Variants in FRMD6 observed in about 807,000 individuals in gnomAD.
FRMD6 encodes the protein FERM domain containing 6, also known as FERM domain-containing protein 6.
In FRMD6, 37 loss-of-function variants were observed where a neutral mutation model predicts 73.2. The observed-to-expected ratio is 0.51, with a 90% CI of 0.39 to 0.66. The LOEUF (loss-of-function observed/expected upper bound fraction) is 0.66, where lower values mean the gene tolerates loss of function less well. Ranked by LOEUF, FRMD6 falls within the 30% of genes least tolerant of loss-of-function variation. The pLI, the probability that FRMD6 is intolerant of heterozygous loss-of-function variation, is 0.00. For missense variants in FRMD6, 714 were observed against 780.5 expected (o/e 0.91, Z 1.02); for synonymous variants, 273 against 282.2 (o/e 0.97, Z 0.33).
chr14:51,606,997 ACTTT>A (rs1890284250), intron 2 of FRMD6, among the ~76,000 whole-genome samples: 1 of 152,114 alleles, frequency 6.6e-6, no homozygotes, highest in Admixed American at 6.5e-5. Flanking sequence ...ACAGGTCTGC[ACTTT>A]CTTTTCTGTG....
intron 4 of FRMD6, among the ~76,000 whole-genome samples, chr14:51,702,013 A>G (rs1466573957): frequency 6.6e-6 from 1 of 151,966 alleles, no homozygotes; most frequent in African/African-American, 2.4e-5. Context: ...AGATCCTCTA[A>G]TTTGTATTTA....
intron 1 of FRMD6, among the ~76,000 whole-genome samples, chr14:51,502,268 T>C (rs532629787): frequency 6.6e-6 from 1 of 152,344 alleles, no homozygotes; most frequent in Admixed American, 6.5e-5. Flanking sequence ...CATGAAATCT[T>C]TGCCTGTGTC....
rs61022790 is a variant in FRMD6 at position 51,530,030 on chromosome 14, C to T, written c.-209-40318C>T. ...CCAGCTCCTACAAGCTCATGAGAGA[C>T]AGCTGTTAAATCTCAGGATGTTTTG... On this transcript the variant is annotated intron_variant, in intron 1 of 14. Transcript: ENST00000356218. 1.8e-3 allele frequency among the ~76,000 whole-genome samples: 279 copies of T among 152,336 alleles called. 1 individual carries two copies. The highest frequency in any genetic ancestry group is 6.5e-3 in the African/African-American group (271 of 41,566).
At chr14:51,519,805 G>T (rs978530701) in intron 1 of FRMD6, among the ~76,000 whole-genome samples, 1 of 152,168 alleles carries the variant, frequency 6.6e-6, no homozygotes, top group Non-Finnish European at 1.5e-5. Flanking sequence ...AAATTTGGGG[G>T]CCCTATCACC....
chr14:51,689,763 T>G lies in FRMD6; in HGVS notation c.-74T>G. ...GTGTGATGAGGAGGCGAGCTTGGCT[T>G]TGGAGTGCTGGGAACCTGAGGAATT... is the stretch of plus-strand genomic sequence containing the variant. On this transcript the variant is annotated 5_prime_UTR_variant, in exon 2 of 14. Coordinates refer to ENST00000344768, the MANE Select transcript of FRMD6 (RefSeq NM_001267046.2). The G allele has an allele frequency of 1.2e-6, 1 of 861,304 alleles. No individual in the cohort carries two copies. Among genetic ancestry groups the G allele is most frequent in the South Asian group, 1.3e-5 (1 of 75,532 alleles). 53.4% of individuals were successfully genotyped at this position (861,304 alleles called of 1,614,324 possible).
intron 2 of FRMD6, among the ~76,000 whole-genome samples, chr14:51,603,433 G>A (rs1890118273): frequency 6.6e-6 from 1 of 152,026 alleles, no homozygotes; most frequent in South Asian, 2.1e-4. Context: ...TGGATTGCAA[G>A]TGATTTTTTT....
chr14:51,568,499 T>C (rs577921248), intron 1 of FRMD6, among the ~76,000 whole-genome samples: 34 of 152,336 alleles, frequency 2.2e-4, no homozygotes, highest in African/African-American at 8.2e-4. Flanking sequence ...GACTAAGAAA[T>C]GGCGAACACT....
the FRMD6 span, among the ~76,000 whole-genome samples, chr14:51,411,037 CT>C: frequency 6.6e-6 from 1 of 152,264 alleles, no homozygotes; most frequent in East Asian, 1.9e-4. Context: ...TAGTTAACCC[CT>C]GTCTTTGTAG....
At chr14:51,583,935 G>A (rs1888878994) in intron 2 of FRMD6, among the ~76,000 whole-genome samples, 1 of 152,160 alleles carries the variant, frequency 6.6e-6, no homozygotes, top group Admixed American at 6.5e-5. Flanking sequence ...AGGAGGAATA[G>A]CCATCTTATA....
chr14:51,426,830 G>A, the FRMD6 span, among the ~76,000 whole-genome samples: 4 of 152,104 alleles, frequency 2.6e-5, no homozygotes, highest in African/African-American at 7.2e-5. Flanking sequence ...ACCCTGGCTC[G>A]CAGGCTGTTG....
chr14:51,687,429 A>C (rs1043155145), intron 1 of FRMD6, among the ~76,000 whole-genome samples: 2 of 152,192 alleles, frequency 1.3e-5, no homozygotes, highest in African/African-American at 4.8e-5. Context: ...AAGTGTTGGA[A>C]TATATCAATA....
chr14:51,625,456 T>C (rs1444535273), intron 2 of FRMD6, among the ~76,000 whole-genome samples: 5 of 82,338 alleles, frequency 6.1e-5, no homozygotes, highest in Admixed American at 1.4e-4. Context: ...TCCCCTTATC[T>C]TTTTTTTTTG....
intron 2 of FRMD6, among the ~76,000 whole-genome samples, chr14:51,573,644 C>G (rs1432646661): frequency 6.6e-6 from 1 of 152,180 alleles, no homozygotes; most frequent in Non-Finnish European, 1.5e-5. Context: ...TACTGTGGAG[C>G]CAACATCACG....
At chr14:51,467,189 C>G in the FRMD6 span, among the ~76,000 whole-genome samples, 2 of 152,134 alleles carry the variant, frequency 1.3e-5, no homozygotes, top group South Asian at 4.2e-4. Flanking sequence ...ATGCTGCCTT[C>G]AAGCATCTGT....
At chr14:51,418,942 G>A in the FRMD6 span, among the ~76,000 whole-genome samples, 504 of 152,298 alleles carry the variant, frequency 3.3e-3, 6 homozygotes, top group African/African-American at 0.011. Context: ...AGACTGCTGC[G>A]CTAGAAGTAA....
At chr14:51,398,820 G>A in the FRMD6 span, among the ~76,000 whole-genome samples, 21 of 152,072 alleles carry the variant, frequency 1.4e-4, no homozygotes, top group Non-Finnish European at 1.5e-5. Context: ...AGGTTTTCCC[G>A]ACTCCAAATT....
intron 1 of FRMD6, among the ~76,000 whole-genome samples, chr14:51,545,302 A>T (rs924917847): frequency 6.6e-6 from 1 of 152,012 alleles, no homozygotes; most frequent in Admixed American, 6.6e-5. Flanking sequence ...CATGATTAGA[A>T]AGGAGTACAG....
the FRMD6 span, among the ~76,000 whole-genome samples, chr14:51,419,297 A>T: frequency 6.6e-6 from 1 of 152,116 alleles, no homozygotes; most frequent in African/African-American, 2.4e-5. Flanking sequence ...AGCTGTTCCT[A>T]TTTGGCCATC....
chr14:51,626,806 A>G (rs1324115775), intron 2 of FRMD6, among the ~76,000 whole-genome samples: 1 of 152,214 alleles, frequency 6.6e-6, no homozygotes, highest in Non-Finnish European at 1.5e-5. Context: ...AGAGATAACT[A>G]TTGTACCTAC....
Sources: allele counts gnomAD v4.1 joint callset (sites outside exome capture counted in the v4.1 genomes callset), GRCh38; gene constraint gnomAD v4.1.1; transcripts MANE v1.5; gene names NCBI Gene and HGNC (gene_info 2026-07-23, HGNC 2026-07-21).